G2E3: variants seen among roughly 807,000 people sequenced by gnomAD.
G2E3 encodes G2/M phase-specific E3 ubiquitin-protein ligase.
A neutral mutation model predicts 92.8 loss-of-function variants in G2E3; 35 were observed. The observed-to-expected ratio is 0.38, with a 90% CI of 0.29 to 0.50. The LOEUF is 0.50. Among genes scored for constraint, G2E3 ranks in the 20% least tolerant of loss-of-function variants. The pLI is 0.94. For synonymous variants in G2E3, 242 were observed against 272.4 expected, an observed-to-expected ratio of 0.89 and a Z score of 1.10; for missense variants, 554 against 823.8, an observed-to-expected ratio of 0.67 and a Z score of 4.01.
intron 8 of G2E3, among the ~76,000 whole-genome samples, chr14:30,600,461 C>T (rs1881512241): frequency 1.3e-5 from 2 of 152,102 alleles, no homozygotes; most frequent in African/African-American, 2.4e-5. Context: ...ATTATTCATT[C>T]GTTAACACCA....
At chr14:30,598,626 A>G (rs1881406348) in intron 8 of G2E3, 27 bp downstream of exon 8, 1 of 1,365,514 alleles carries the variant, frequency 7.3e-7, no homozygotes, top group South Asian at 1.2e-5. Flanking sequence ...AGTTGTGCTT[A>G]GTGGTTCCTT....
At chr14:30,570,405 C>G (rs981385071) in intron 1 of G2E3, among the ~76,000 whole-genome samples, 1 of 152,020 alleles carries the variant, frequency 6.6e-6, no homozygotes, top group Non-Finnish European at 1.5e-5. Context: ...AAGTTTTTGG[C>G]TATTATTTCT....
intron 1 of G2E3, among the ~76,000 whole-genome samples, chr14:30,573,159 A>G (rs919815969): frequency 6.6e-6 from 1 of 152,058 alleles, no homozygotes; most frequent in Non-Finnish European, 1.5e-5. Flanking sequence ...AGATATGTTT[A>G]TTATTTCCTA....
rs1057448464 is a variant in G2E3, at chr14:30,601,824, C to G, written c.807C>G (p.Ala269=). ...QCCGSSGTHL[A]CSSLRSWEQN... is the part of the protein sequence containing the mutation. ...GTGGTTCCAGTGGCACACATTTAGC[C>G]TGCTCCTCATTACGGTCATGGGAGC... Residue 269 remains alanine, a synonymous_variant, in exon 9 of 15, where the codon GCC becomes GCG. Transcript: ENST00000206595. 1.2e-6 allele frequency: 2 copies of G among 1,613,536 alleles called. No homozygotes were observed. Among genetic ancestry groups the G allele is most frequent in the African/African-American group, 2.7e-5 (2 of 74,998 alleles).
intron 2 of G2E3, among the ~76,000 whole-genome samples, chr14:30,584,683 C>T (rs1164186686): frequency 6.6e-6 from 1 of 151,748 alleles, no homozygotes; most frequent in Non-Finnish European, 1.5e-5. Context: ...TGTATATCTT[C>T]TTTGGAGAAA....
At chr14:30,590,333 C>G (rs570053859) in intron 4 of G2E3, among the ~76,000 whole-genome samples, 2,868 of 152,160 alleles carry the variant, frequency 0.019, 95 homozygotes, top group African/African-American at 0.065. Flanking sequence ...CTTTGTTTTC[C>G]ACAGATGCCA....
intron 8 of G2E3, among the ~76,000 whole-genome samples, chr14:30,601,568 G>C (rs1435823714): frequency 1.3e-5 from 2 of 152,148 alleles, no homozygotes. Context: ...TTCTTTGTAT[G>C]TGCATATGAG....
Position 30,616,282 on chromosome 14 carries a change from TA to T in G2E3, c.1872del (p.Lys624AsnfsTer47). 1 of 1,601,960 alleles carries T rather than the reference TA, an allele frequency of 6.2e-7. No individual in the cohort carries two copies. The highest frequency in any genetic ancestry group is 8.5e-7 in the Non-Finnish European group (1 of 1,170,556). ...NSYLQAVEDG[K>X]STTTMEDILI... The stretch of plus-strand genomic sequence containing the variant: ...TTTATTGGTAAATTTTTTCAGATGG[TA>T]AATCTACAACAACAATGGAAGACAT... On this transcript the variant is annotated frameshift_variant, in exon 15 of 15. Transcript: ENST00000206595. LOFTEE classifies it high-confidence loss of function.
chr14:30,617,366 T>G lies in G2E3; in HGVS notation c.*832T>G, dbSNP rs562303775. 6.6e-6 allele frequency: 1 copy of G among 152,268 alleles called. No individual in the cohort carries two copies. Among genetic ancestry groups the G allele is most frequent in the Admixed American group, 6.5e-5 (1 of 15,308 alleles). 9.4% of individuals were successfully genotyped at this position (152,268 alleles called of 1,614,324 possible). A position where few individuals can be genotyped will look rare whatever the true frequency, so the allele number is the denominator to read the frequency against. On this transcript the variant is annotated 3_prime_UTR_variant, in exon 15 of 15. Coordinates refer to ENST00000206595, the MANE Select transcript of G2E3 (RefSeq NM_017769.5). ...TTGAAAATACCTAAGAAAGTGTGTCTTCTTTAAAGCCTTGGCTTTAATCAT... is the reference window on the plus strand; with the variant it reads ...TTGAAAATACCTAAGAAAGTGTGTCGTCTTTAAAGCCTTGGCTTTAATCAT...
intron 4 of G2E3, among the ~76,000 whole-genome samples, chr14:30,590,371 A>C (rs1034207030): frequency 6.6e-6 from 1 of 152,168 alleles, no homozygotes; most frequent in Non-Finnish European, 1.5e-5. Context: ...AGTGACTAGG[A>C]AGTTAGCAGA....
intron 7 of G2E3, 90 bp from the exon 8 acceptor site, chr14:30,598,392 CA>C: frequency 1.3e-5 from 12 of 894,922 alleles, no homozygotes; most frequent in South Asian, 2.8e-5. Flanking sequence ...GTCTCAAGAA[CA>C]AAAAAAGGTT....
intron 4 of G2E3, 23 bp from the exon 5 acceptor site, chr14:30,592,300 C>G: frequency 1.2e-6 from 2 of 1,605,878 alleles, no homozygotes; most frequent in Non-Finnish European, 1.7e-6. Context: ...TGTTGTGACC[C>G]CTATTTTCAC....
At chr14:30,565,635 G>T (rs1194993733) in intron 1 of G2E3, among the ~76,000 whole-genome samples, 1 of 147,650 alleles carries the variant, frequency 6.8e-6, no homozygotes, top group African/African-American at 2.5e-5. Context: ...GTGAGGTAGG[G>T]GTTCAACTTC....
At chr14:30,587,290 A>G (rs1227953391) in intron 3 of G2E3, among the ~76,000 whole-genome samples, 1 of 152,172 alleles carries the variant, frequency 6.6e-6, no homozygotes, top group Admixed American at 6.5e-5. Context: ...TGTATCACTC[A>G]GAAGAAAGCA....
intron 1 of G2E3, among the ~76,000 whole-genome samples, chr14:30,563,386 C>T (rs1342312821): frequency 6.6e-6 from 1 of 152,074 alleles, no homozygotes; most frequent in African/African-American, 2.4e-5. Flanking sequence ...AGCCCCATAC[C>T]ACTTAAAGTC....
At chr14:30,610,538 G>C (rs1228588681) in intron 12 of G2E3, among the ~76,000 whole-genome samples, 1 of 152,190 alleles carries the variant, frequency 6.6e-6, no homozygotes, top group Non-Finnish European at 1.5e-5. Context: ...GGGAGGCAGA[G>C]GTGGCAGTGA....
intron 12 of G2E3, chr14:30,611,328 GA>G (rs1200102149): frequency 1.3e-5 from 2 of 152,006 alleles, no homozygotes; most frequent in Non-Finnish European, 2.9e-5. Context: ...GAATAGTCAT[GA>G]AAAACTTAGG....
At chr14:30,567,638 A>G (rs549146171) in intron 1 of G2E3, among the ~76,000 whole-genome samples, 7 of 151,808 alleles carry the variant, frequency 4.6e-5, no homozygotes, top group Admixed American at 2.0e-4. Flanking sequence ...TTTTTTTATT[A>G]CATTATCTGG....
At chr14:30,590,829 C>T in intron 4 of G2E3, 1 of 444,740 alleles carries the variant, frequency 2.2e-6, no homozygotes. Flanking sequence ...AAGGTGGTCT[C>T]TAAAGGTCCC....
Sources: allele counts gnomAD v4.1 joint callset (sites outside exome capture counted in the v4.1 genomes callset), GRCh38; gene constraint gnomAD v4.1.1; transcripts MANE v1.5; gene names NCBI Gene and HGNC (gene_info 2026-07-23, HGNC 2026-07-21).